Variants in MDGA2 observed in about 807,000 individuals in gnomAD.
MDGA2 encodes MAM domain-containing glycosylphosphatidylinositol anchor protein 2.
A neutral mutation model predicts 117.8 loss-of-function variants in MDGA2; 40 were observed. That is an observed-to-expected ratio of 0.34 (90% confidence interval 0.26 to 0.44). The LOEUF (loss-of-function observed/expected upper bound fraction) is 0.44, where lower values mean the gene tolerates loss of function less well. Ranked by LOEUF, MDGA2 falls within the 20% of genes least tolerant of loss-of-function variation. MDGA2 has a pLI of 1.00. For synonymous variants in MDGA2, 452 were observed against 439.0 expected (o/e 1.03, Z -0.37); for missense variants, 1,123 against 1,250.6 (o/e 0.90, Z 1.54).
At chr14:47,569,458 G>T (rs761445122) in intron 1 of MDGA2, among the ~76,000 whole-genome samples, 1 of 152,168 alleles carries the variant, frequency 6.6e-6, no homozygotes, top group Non-Finnish European at 1.5e-5. Context: ...TTGGGGAACA[G>T]ATTTTCTGTC....
intron 5 of MDGA2, among the ~76,000 whole-genome samples, chr14:47,106,566 C>G (rs1159052355): frequency 6.6e-6 from 1 of 152,008 alleles, no homozygotes; most frequent in Non-Finnish European, 1.5e-5. Flanking sequence ...GTTCAACTCA[C>G]CTGGCAGCCA....
chr14:47,207,883 T>C (rs1885743982), intron 3 of MDGA2, among the ~76,000 whole-genome samples: 1 of 152,040 alleles, frequency 6.6e-6, no homozygotes, highest in Non-Finnish European at 1.5e-5. Flanking sequence ...GCTTTTCAGA[T>C]ACTTCAGTAT....
At chr14:47,621,604 G>A (rs953750373) in intron 1 of MDGA2, among the ~76,000 whole-genome samples, 2 of 152,178 alleles carry the variant, frequency 1.3e-5, no homozygotes, top group African/African-American at 4.8e-5. Context: ...GGCATTAGGA[G>A]TGGCCATGTG....
At chr14:47,433,864 A>G (rs867187050) in intron 1 of MDGA2, among the ~76,000 whole-genome samples, 5 of 152,150 alleles carry the variant, frequency 3.3e-5, no homozygotes, top group African/African-American at 1.2e-4. Context: ...CTTCACAGAG[A>G]ATAATTTGAG....
intron 9 of MDGA2, among the ~76,000 whole-genome samples, chr14:46,956,313 T>A (rs191901732): frequency 6.6e-6 from 1 of 152,174 alleles, no homozygotes; most frequent in East Asian, 1.9e-4. Flanking sequence ...TTTCTTTTAA[T>A]GCATTCCTAA....
intron 1 of MDGA2, among the ~76,000 whole-genome samples, chr14:47,579,457 C>T (rs1404381211): frequency 6.6e-6 from 1 of 151,808 alleles, no homozygotes; most frequent in African/African-American, 2.4e-5. Context: ...GATTATCTTC[C>T]CTTTTAATTG....
At chr14:47,167,656 T>C (rs938564073) in intron 3 of MDGA2, among the ~76,000 whole-genome samples, 1 of 152,056 alleles carries the variant, frequency 6.6e-6, no homozygotes, top group Admixed American at 6.6e-5. Context: ...TTACAAGAGT[T>C]AAAGCACATT....
At chr14:47,313,816 A>C (rs1594789903) in intron 1 of MDGA2, among the ~76,000 whole-genome samples, 1 of 152,160 alleles carries the variant, frequency 6.6e-6, no homozygotes, top group African/African-American at 2.4e-5. Flanking sequence ...TTGTGGGGGG[A>C]AGCAGTTTGT....
chr14:46,930,502 C>G (rs1333189328), intron 9 of MDGA2, among the ~76,000 whole-genome samples: 1 of 151,968 alleles, frequency 6.6e-6, no homozygotes, highest in Non-Finnish European at 1.5e-5. Flanking sequence ...CTTAAAAACC[C>G]TTAGAAGAAA....
intron 10 of MDGA2, among the ~76,000 whole-genome samples, chr14:46,883,683 T>A (rs141104811): frequency 2.2e-4 from 33 of 152,210 alleles, no homozygotes; most frequent in African/African-American, 7.5e-4. Context: ...TACACTTGAA[T>A]GTCTTTTACA....
At position 47,508,040 on chromosome 14, in the gene MDGA2, T is replaced by G. The variant is rs570812367; in HGVS notation, c.280+166477A>C. Among the ~76,000 whole-genome samples the G allele has an allele frequency of 6.4e-4, 98 of 152,376 alleles. 1 individual carries two copies. The highest frequency in any genetic ancestry group is 2.3e-3 in the African/African-American group (94 of 41,594). On this transcript the variant is annotated intron_variant, in intron 1 of 16. Coordinates refer to ENST00000399232, the MANE Select transcript of MDGA2 (RefSeq NM_001113498.3). The stretch of plus-strand genomic sequence containing the variant: ...CATCAGTGAAAAAGAATTCTATTTT[T>G]GAATGGCTCTATTTGTTAGGAAGTC...
rs912367513 is a variant in MDGA2 at position 47,647,387 on chromosome 14, C to A, written c.280+27130G>T. Among the ~76,000 whole-genome samples the A allele has an allele frequency of 2.1e-4, 32 of 151,712 alleles. 2 individuals are homozygous for A. The highest frequency in any genetic ancestry group is 2.1e-3 in the Admixed American group (32 of 15,238). On this transcript the variant is annotated intron_variant, in intron 1 of 16. Coordinates refer to ENST00000399232, the MANE Select transcript of MDGA2 (RefSeq NM_001113498.3). ...AATGTCATCCTTGGGATGACTTTTC[C>A]TTATAATAGTAGGCATTAACATCAG...
At chr14:47,086,220 C>CA (rs1288873574) in intron 6 of MDGA2, among the ~76,000 whole-genome samples, 2 of 150,602 alleles carry the variant, frequency 1.3e-5, no homozygotes, top group African/African-American at 4.9e-5. Flanking sequence ...CATTCTCATA[C>CA]AGTTTTCAGA....
chr14:46,913,060 A>G (rs1033464522), intron 10 of MDGA2, among the ~76,000 whole-genome samples: 2 of 152,102 alleles, frequency 1.3e-5, no homozygotes, highest in Non-Finnish European at 2.9e-5. Context: ...AGCATTCACT[A>G]AAGAAATTGA....
intron 6 of MDGA2, among the ~76,000 whole-genome samples, chr14:47,078,965 C>T (rs111387428): frequency 4.5e-4 from 69 of 151,790 alleles, no homozygotes; most frequent in African/African-American, 1.6e-3. Context: ...CCCAGTCTCT[C>T]GTAACCACCA....
At chr14:46,938,683 C>T (rs1356058489) in intron 9 of MDGA2, among the ~76,000 whole-genome samples, 1 of 151,870 alleles carries the variant, frequency 6.6e-6, no homozygotes, top group African/African-American at 2.4e-5. Flanking sequence ...ATTAATATAG[C>T]CACTACAGAG....
chr14:47,249,022 TG>T (rs1887350821), intron 2 of MDGA2, among the ~76,000 whole-genome samples: 1 of 119,804 alleles, frequency 8.3e-6, no homozygotes, highest in African/African-American at 3.8e-5. Context: ...TTGTTGTTGT[TG>T]TTGTTTTTTG....
intron 1 of MDGA2, among the ~76,000 whole-genome samples, chr14:47,367,220 T>A (rs1331549315): frequency 1.3e-5 from 2 of 152,234 alleles, no homozygotes; most frequent in Non-Finnish European, 2.9e-5. Context: ...GGAAGTTGTA[T>A]TCTTTGTCTT....
intron 1 of MDGA2, among the ~76,000 whole-genome samples, chr14:47,469,092 A>T (rs1174418093): frequency 6.6e-6 from 1 of 152,154 alleles, no homozygotes; most frequent in African/African-American, 2.4e-5. Flanking sequence ...AAAAACTGCT[A>T]AGTCAAGAGG....
Sources: allele counts gnomAD v4.1 joint callset (sites outside exome capture counted in the v4.1 genomes callset), GRCh38; gene constraint gnomAD v4.1.1; transcripts MANE v1.5; gene names NCBI Gene and HGNC (gene_info 2026-07-23, HGNC 2026-07-21).